The following SS18 variants were observed in gnomAD, a reference collection of about 807,000 sequenced individuals.
SS18 encodes protein SSXT.
A neutral mutation model predicts 72.5 loss-of-function variants in SS18; 28 were observed. The observed-to-expected ratio is 0.39, with a 90% CI of 0.29 to 0.53. SS18 has a LOEUF of 0.53. Among genes scored for constraint, SS18 ranks in the 20% least tolerant of loss-of-function variants. The pLI, the probability that SS18 is intolerant of heterozygous loss-of-function variation, is 0.76. For synonymous variants in SS18, 172 were observed against 164.2 expected, an observed-to-expected ratio of 1.05 and a Z score of -0.37; for missense variants, 518 against 535.3, an observed-to-expected ratio of 0.97 and a Z score of 0.32.
intron 10 of SS18, among the ~76,000 whole-genome samples, chr18:26,026,804 T>C (rs912998861): frequency 1.3e-5 from 2 of 152,118 alleles, no homozygotes; most frequent in African/African-American, 2.4e-5. Context: ...AAAATATCAA[T>C]ACACAAAAAT....
At chr18:26,062,032 G>T (rs1221459971) in intron 3 of SS18, among the ~76,000 whole-genome samples, 1 of 152,174 alleles carries the variant, frequency 6.6e-6, no homozygotes, top group Non-Finnish European at 1.5e-5. Context: ...AGGCCGAGGT[G>T]GGGGAATCCC....
chr18:26,072,679 C>A (rs1455202519), intron 3 of SS18, among the ~76,000 whole-genome samples: 2 of 150,944 alleles, frequency 1.3e-5, no homozygotes, highest in African/African-American at 2.4e-5. Flanking sequence ...CGCCTGTAGT[C>A]CCAGCTACTA....
chr18:26,090,628 G>C (rs767727246), upstream of SS18: 29 of 1,514,472 alleles, frequency 1.9e-5, no homozygotes, highest in Non-Finnish European at 2.2e-5. Context: ...GGCAAACTGG[G>C]GGAGAGACGC....
At chr18:26,054,897 C>A (rs1451795621) in intron 4 of SS18, among the ~76,000 whole-genome samples, 1 of 151,960 alleles carries the variant, frequency 6.6e-6, no homozygotes, top group South Asian at 2.1e-4. Context: ...TGTGCCACCA[C>A]GCCAGCTAAT....
chr18:26,086,686 C>T (rs1317967905), intron 2 of SS18, among the ~76,000 whole-genome samples: 1 of 152,176 alleles, frequency 6.6e-6, no homozygotes, highest in Non-Finnish European at 1.5e-5. Flanking sequence ...ATATTATTTA[C>T]TTCAGATACA....
At chr18:26,075,403 C>T (rs7243970) in intron 3 of SS18, among the ~76,000 whole-genome samples, 179 of 151,926 alleles carry the variant, frequency 1.2e-3, no homozygotes, top group African/African-American at 4.3e-3. Flanking sequence ...AGGTTAATTA[C>T]AAGAATGCAA....
intron 3 of SS18, among the ~76,000 whole-genome samples, chr18:26,061,990 G>A (rs2054132171): frequency 6.6e-6 from 1 of 152,212 alleles, no homozygotes; most frequent in African/African-American, 2.4e-5. Flanking sequence ...GCCGGGTGAG[G>A]TGGGTCATGC....
At position 26,016,357 on chromosome 18, in the gene SS18, A is replaced by G. The variant is rs1364694990; in HGVS notation, c.*1997T>C. The G allele has an allele frequency of 5.4e-6, 1 of 183,510 alleles. No individual in the cohort carries two copies. Among genetic ancestry groups the G allele is most frequent in the Non-Finnish European group, 1.2e-5 (1 of 86,102 alleles). 11.4% of individuals were successfully genotyped at this position (183,510 alleles called of 1,614,324 possible). On this transcript the variant is annotated 3_prime_UTR_variant, in exon 11 of 11. Transcript: ENST00000415083. Reference sequence around the variant, plus strand: ...TGGCACAGAACCTACAAGCATTTCAATCACAATAAGGCTGTCCATGATTTA... The same window carrying G: ...TGGCACAGAACCTACAAGCATTTCAGTCACAATAAGGCTGTCCATGATTTA...
intron 10 of SS18, among the ~76,000 whole-genome samples, chr18:26,019,255 G>C (rs1003654253): frequency 6.6e-6 from 1 of 152,110 alleles, no homozygotes; most frequent in African/African-American, 2.4e-5. Flanking sequence ...TCTTAAATGT[G>C]TTTAAAACAG....
intron 3 of SS18, among the ~76,000 whole-genome samples, chr18:26,074,456 T>A (rs2054372942): frequency 6.6e-6 from 1 of 152,016 alleles, no homozygotes; most frequent in Admixed American, 6.6e-5. Context: ...CGAAACAAGA[T>A]ACTACAATAG....
chr18:26,032,500 G>A lies in SS18; in HGVS notation c.1129C>T (p.Pro377Ser). The change falls in exon 10 of 11, where the codon CCT becomes TCT. Residue 377 changes from proline to serine, a missense_variant. Physicochemically the swap from Pro to Ser is moderately conservative, Grantham distance 74. Coordinates refer to ENST00000415083, the MANE Select transcript of SS18 (RefSeq NM_001007559.3). ...PSQGGPGPQYPNYPQGQGQQY... is the reference protein window; with the variant it reads ...PSQGGPGPQYSNYPQGQGQQY... ...TGACCTTGTCCCTGTGGGTAGTTAGGATACTGAGGACCTGGACCACCCTGT... is the reference window on the plus strand; with the variant it reads ...TGACCTTGTCCCTGTGGGTAGTTAGAATACTGAGGACCTGGACCACCCTGT... 1 of 1,613,750 alleles carries A rather than the reference G, an allele frequency of 6.2e-7. No homozygotes were observed. Among genetic ancestry groups the A allele is most frequent in the South Asian group, 1.1e-5 (1 of 91,046 alleles).
chr18:26,082,179 A>C (rs958637284), intron 2 of SS18, among the ~76,000 whole-genome samples: 1 of 152,210 alleles, frequency 6.6e-6, no homozygotes, highest in South Asian at 2.1e-4. Flanking sequence ...TGTCCTGGTA[A>C]ATATGACAAA....
chr18:26,027,671 TAAA>T (rs68048813), intron 10 of SS18, among the ~76,000 whole-genome samples: 447 of 27,262 alleles, frequency 0.016, 5 homozygotes, highest in African/African-American at 0.039. Flanking sequence ...GAGACTCATC[TAAA>T]AAAAAAAAAA....
intron 3 of SS18, among the ~76,000 whole-genome samples, chr18:26,070,163 A>T (rs778551881): frequency 1.3e-5 from 2 of 152,204 alleles, no homozygotes; most frequent in Non-Finnish European, 1.5e-5. Context: ...AAAATAAATT[A>T]AAAATGGTTC....
Position 26,032,498 on chromosome 18 carries a change from A to C in SS18, c.1131T>G (p.Pro377=). 6.2e-7 allele frequency: 1 copy of C among 1,613,788 alleles called. No individual in the cohort carries two copies. The highest frequency in any genetic ancestry group is 1.1e-5 in the South Asian group (1 of 91,054). Reference sequence around the variant, plus strand: ...GCTGACCTTGTCCCTGTGGGTAGTTAGGATACTGAGGACCTGGACCACCCT... The same window carrying C: ...GCTGACCTTGTCCCTGTGGGTAGTTCGGATACTGAGGACCTGGACCACCCT... ...PSQGGPGPQY[P]NYPQGQGQQY... Residue 377 remains proline, a synonymous_variant, in exon 10 of 11, where the codon CCT becomes CCG. Transcript: ENST00000415083.
chr18:26,030,453 T>C (rs1263282584), intron 10 of SS18, among the ~76,000 whole-genome samples: 1 of 152,190 alleles, frequency 6.6e-6, no homozygotes, highest in Non-Finnish European at 1.5e-5. Flanking sequence ...CTGTATCATA[T>C]CATATGTTTA....
chr18:26,060,771 CAAAAAAAAAAAA>C lies in SS18; in HGVS notation c.232-3041_232-3030del, dbSNP rs60999827. Among the ~76,000 whole-genome samples, 214 of 39,614 alleles carry C rather than the reference CAAAAAAAAAAAA, an allele frequency of 5.4e-3. 2 individuals carry two copies. The highest frequency in any genetic ancestry group is 0.028 in the South Asian group (17 of 602). 26.0% of individuals were successfully genotyped at this position (39,614 alleles called of 152,430 possible). A position where few individuals can be genotyped will look rare whatever the true frequency, so the allele number is the denominator to read the frequency against. Reference sequence around the variant, plus strand: ...GAAACTCTGTCTCTACTAAAAATACCAAAAAAAAAAAAAAAAAAAAAAAAAAAAAAAAAAATC... The same window carrying C: ...GAAACTCTGTCTCTACTAAAAATACCAAAAAAAAAAAAAAAAAAAAAAATC... On this transcript the variant is annotated intron_variant, in intron 3 of 10. Coordinates refer to ENST00000415083, the MANE Select transcript of SS18 (RefSeq NM_001007559.3).
chr18:26,082,269 A>G (rs2054537562), intron 2 of SS18: 1 of 562,362 alleles, frequency 1.8e-6, no homozygotes. Flanking sequence ...GTAACTCATC[A>G]ATTACTTTGA....
chr18:26,055,156 T>C (rs137887811), intron 4 of SS18, among the ~76,000 whole-genome samples: 6 of 152,254 alleles, frequency 3.9e-5, no homozygotes, highest in Non-Finnish European at 5.9e-5. Context: ...ATGTATTACC[T>C]AGCTTTTAAA....
Sources: allele counts gnomAD v4.1 joint callset (sites outside exome capture counted in the v4.1 genomes callset), GRCh38; gene constraint gnomAD v4.1.1; transcripts MANE v1.5; gene names NCBI Gene and HGNC (gene_info 2026-07-23, HGNC 2026-07-21).